ZNF354B: variants seen among roughly 807,000 people sequenced by gnomAD.
ZNF354B encodes zinc finger protein 354B.
In ZNF354B, 10 loss-of-function variants were observed where a neutral mutation model predicts 12.9. That is an observed-to-expected ratio of 0.77 (90% CI 0.48 to 1.31). The LOEUF (loss-of-function observed/expected upper bound fraction) is 1.31. ZNF354B is among the 40% of genes most tolerant of loss of function. The probability of loss-of-function intolerance (pLI) is 0.00; values close to 1 mark genes in which losing one functional copy is unlikely to be tolerated. For synonymous variants in ZNF354B, 260 were observed against 243.7 expected (o/e 1.07, Z -0.62); for missense variants, 614 against 711.7 (o/e 0.86, Z 1.56).
In ZNF354B at chr5:178,883,237, G is replaced by T. The variant is rs564522787; in HGVS notation, c.785G>T (p.Arg262Ile). 3.4e-4 allele frequency: 553 copies of T among 1,612,464 alleles called. 1 individual carries two copies. The highest frequency in any genetic ancestry group is 4.5e-4 in the Non-Finnish European group (534 of 1,179,682). ...SQSSALIQHQ[R>I]THTGEKPYIC... ...AGTTCTGCTCTTATTCAACATCAAAGAACTCATACAGGAGAGAAACCCTAT... is the reference window on the plus strand; with the variant it reads ...AGTTCTGCTCTTATTCAACATCAAATAACTCATACAGGAGAGAAACCCTAT... Residue 262 changes from arginine (R) to isoleucine (I), a missense_variant, in exon 5 of 5, where the codon AGA becomes ATA. By Grantham distance (97) the Arg-to-Ile change is moderately conservative. Transcript: ENST00000322434.
intron 2 of ZNF354B, among the ~76,000 whole-genome samples, chr5:178,865,923 G>A (rs996532237): frequency 6.6e-6 from 1 of 151,954 alleles, no homozygotes; most frequent in African/African-American, 2.4e-5. Flanking sequence ...TACAGTAATT[G>A]GTGAGTTAAA....
chr5:178,875,164 T>A (rs1757618932), intron 4 of ZNF354B, among the ~76,000 whole-genome samples: 1 of 152,208 alleles, frequency 6.6e-6, no homozygotes, highest in Non-Finnish European at 1.5e-5. Context: ...ACTCGAGTGC[T>A]GGCTGCACAT....
rs114437997 is a variant in ZNF354B, at chr5:178,881,504, T to C, written c.257-1205T>C. On this transcript the variant is annotated intron_variant, in intron 4 of 4. Coordinates refer to ENST00000322434, the MANE Select transcript of ZNF354B (RefSeq NM_058230.3). Reference sequence around the variant, plus strand: ...ATACTTTAATGTCATTCATCTGATATACTTTAATGTCATTCAAGACTGGTA... The same window carrying C: ...ATACTTTAATGTCATTCATCTGATACACTTTAATGTCATTCAAGACTGGTA... 3.2e-3 allele frequency among the ~76,000 whole-genome samples: 485 copies of C among 149,792 alleles called. 6 individuals carry two copies. The highest frequency in any genetic ancestry group is 0.011 in the African/African-American group (454 of 39,862).
chr5:178,871,306 A>G (rs972897749), intron 4 of ZNF354B, among the ~76,000 whole-genome samples: 1 of 151,852 alleles, frequency 6.6e-6, no homozygotes, highest in Non-Finnish European at 1.5e-5. Context: ...GCAGGCCCCC[A>G]CTCAGGGCCT....
At chr5:178,862,654 C>T (rs1288137097) in intron 2 of ZNF354B, among the ~76,000 whole-genome samples, 5 of 152,296 alleles carry the variant, frequency 3.3e-5, no homozygotes, top group South Asian at 2.1e-4. Context: ...AGGTGTGAGC[C>T]GCCGCGCCTG....
intron 2 of ZNF354B, among the ~76,000 whole-genome samples, chr5:178,865,236 T>A (rs957453017): frequency 6.6e-6 from 1 of 152,114 alleles, no homozygotes; most frequent in Non-Finnish European, 1.5e-5. Flanking sequence ...GAATCCCCGC[T>A]CTACCACTGA....
At chr5:178,865,209 G>A (rs1251403353) in intron 2 of ZNF354B, among the ~76,000 whole-genome samples, 1 of 152,142 alleles carries the variant, frequency 6.6e-6, no homozygotes, top group African/African-American at 2.4e-5. Context: ...TGGAGCCCAG[G>A]ACATCTGCCT....
At position 178,884,500 on chromosome 5, in the gene ZNF354B, G is replaced by GC. The variant is rs1757772517; in HGVS notation, c.*211dup. ...TTCACTGTTGCAGACATTGAAATTGGCCATTTGTAAGATAAAAGGTATGTT... is the reference window on the plus strand; with the variant it reads ...TTCACTGTTGCAGACATTGAAATTGGCCCATTTGTAAGATAAAAGGTATGTT... On this transcript the variant is annotated 3_prime_UTR_variant, in exon 5 of 5. Transcript: ENST00000322434. 2 of 465,338 alleles carry GC rather than the reference G, an allele frequency of 4.3e-6. No homozygotes were observed. Among genetic ancestry groups the GC allele is most frequent in the African/African-American group, 2.0e-5 (1 of 49,806 alleles). 28.8% of individuals were successfully genotyped at this position (465,338 alleles called of 1,614,324 possible). A position where few individuals can be genotyped will look rare whatever the true frequency, so the allele number is the denominator to read the frequency against.
At chr5:178,873,425 T>C (rs1011537692) in intron 4 of ZNF354B, among the ~76,000 whole-genome samples, 1 of 152,222 alleles carries the variant, frequency 6.6e-6, no homozygotes, top group Non-Finnish European at 1.5e-5. Context: ...TAGTTTTACA[T>C]TTTACATTTA....
rs1757746671 is a variant in ZNF354B at position 178,883,210 on chromosome 5, A to G, written c.758A>G (p.Gln253Arg). Residue 253 changes from glutamine (Q) to arginine (R), a missense_variant, in exon 5 of 5, where the codon CAA (glutamine) becomes CGA (arginine). Coordinates refer to ENST00000322434, the MANE Select transcript of ZNF354B (RefSeq NM_058230.3). ...AAAGAATGTTTAAAAGCTTTCAGCC[A>G]AAGTTCTGCTCTTATTCAACATCAA... ...KCKECLKAFSQSSALIQHQRT... is the reference protein window; with the variant it reads ...KCKECLKAFSRSSALIQHQRT... 2 of 1,613,508 alleles carry G rather than the reference A, an allele frequency of 1.2e-6. No individual in the cohort carries two copies. The highest frequency in any genetic ancestry group is 1.3e-5 in the African/African-American group (1 of 75,010).
At chr5:178,873,107 A>C (rs1227233833) in intron 4 of ZNF354B, among the ~76,000 whole-genome samples, 1 of 152,124 alleles carries the variant, frequency 6.6e-6, no homozygotes, top group Admixed American at 6.5e-5. Flanking sequence ...TATTTAATAA[A>C]ATGTCTGGGT....
At position 178,878,255 on chromosome 5, in the gene ZNF354B, C is replaced by T. The variant is rs1045349611; in HGVS notation, c.257-4454C>T. 1.1e-4 allele frequency among the ~76,000 whole-genome samples: 16 copies of T among 151,706 alleles called. No individual in the cohort carries two copies. The East Asian group carries it at 2.1e-3, about 20-fold the overall frequency. The stretch of plus-strand genomic sequence containing the variant: ...AAAATTAGCCAGGCGTAGTGGCGGG[C>T]GCCTGTAGTCTCAGCTACTTGGGAG... On this transcript the variant is annotated intron_variant, in intron 4 of 4. Transcript: ENST00000322434.
At position 178,884,334 on chromosome 5, in the gene ZNF354B, T is replaced by A; in HGVS notation, c.*43T>A. ...TCATCAGAGAATACATGCTTGAGAGTGATTTATTAAATATAATGAATATGA... is the reference window on the plus strand; with the variant it reads ...TCATCAGAGAATACATGCTTGAGAGAGATTTATTAAATATAATGAATATGA... On this transcript the variant is annotated 3_prime_UTR_variant, in exon 5 of 5. Coordinates refer to ENST00000322434, the MANE Select transcript of ZNF354B (RefSeq NM_058230.3). 6.6e-7 allele frequency: 1 copy of A among 1,519,450 alleles called. No homozygotes were observed. The highest frequency in any genetic ancestry group is 8.8e-7 in the Non-Finnish European group (1 of 1,136,518). The allele number at this position is 1,519,450 out of a possible 1,614,324, so 94.1% of individuals were successfully genotyped here.
At chr5:178,862,879 G>A (rs145270165) in intron 2 of ZNF354B, among the ~76,000 whole-genome samples, 29 of 152,270 alleles carry the variant, frequency 1.9e-4, no homozygotes, top group African/African-American at 6.3e-4. Flanking sequence ...CTTGCCATGC[G>A]TCAGTAATGT....
intron 3 of ZNF354B, 62 bp from the exon 4 acceptor site, chr5:178,866,914 G>A: frequency 2.7e-6 from 4 of 1,508,730 alleles, no homozygotes. Flanking sequence ...AATAATCAAG[G>A]GATACTTTGT....
chr5:178,876,024 C>T (rs1344158137), intron 4 of ZNF354B, among the ~76,000 whole-genome samples: 1 of 152,196 alleles, frequency 6.6e-6, no homozygotes, highest in Admixed American at 6.5e-5. Flanking sequence ...GGCTCATCTC[C>T]ATATGGTGGC....
At chr5:178,868,104 A>G (rs1322386116) in intron 4 of ZNF354B, among the ~76,000 whole-genome samples, 5 of 151,812 alleles carry the variant, frequency 3.3e-5, no homozygotes. Flanking sequence ...TGGGTGTGGG[A>G]TGGATTTCAC....
rs1370302087 is a variant in ZNF354B at position 178,859,965 on chromosome 5, G to C, written c.-214G>C. ...TCCTAGAGGCCTTAGCGGCCGCCTT[G>C]CTCCTCTAGGTCCCAGGCGCTCTGC... On this transcript the variant is annotated 5_prime_UTR_variant, in exon 1 of 5. Coordinates refer to ENST00000322434, the MANE Select transcript of ZNF354B (RefSeq NM_058230.3). 6.6e-6 allele frequency: 1 copy of C among 152,278 alleles called. No homozygotes were observed. Among genetic ancestry groups the C allele is most frequent in the Admixed American group, 6.5e-5 (1 of 15,282 alleles). 9.4% of individuals were successfully genotyped at this position (152,278 alleles called of 1,614,324 possible).
intron 4 of ZNF354B, among the ~76,000 whole-genome samples, chr5:178,877,069 T>TA (rs1757649134): frequency 6.6e-6 from 1 of 152,200 alleles, no homozygotes; most frequent in African/African-American, 2.4e-5. Context: ...GCCTGAAGTA[T>TA]AACCTGTAGG....
Sources: allele counts gnomAD v4.1 joint callset (sites outside exome capture counted in the v4.1 genomes callset), GRCh38; gene constraint gnomAD v4.1.1; transcripts MANE v1.5; gene names NCBI Gene and HGNC (gene_info 2026-07-23, HGNC 2026-07-21).